EVI5L: variants seen among roughly 807,000 people sequenced by gnomAD.
The protein encoded by EVI5L is ecotropic viral integration site 5 like, also known as EVI5-like protein.
A neutral mutation model predicts 106.1 loss-of-function variants in EVI5L; 30 were observed. The ratio of observed to expected loss-of-function variants is 0.28; its 90% CI spans 0.21 to 0.38. The LOEUF (loss-of-function observed/expected upper bound fraction) is 0.38, where lower values mean the gene tolerates loss of function less well. Among genes scored for constraint, EVI5L ranks in the 10% least tolerant of loss-of-function variants. EVI5L has a pLI of 1.00. For missense variants in EVI5L, 809 were observed against 1,098.0 expected (o/e 0.74, Z 3.72); for synonymous variants, 489 against 483.3 (o/e 1.01, Z -0.15).
chr19:7,835,991 C>T lies in EVI5L; in HGVS notation c.-48+5610C>T, dbSNP rs1003419644. Among the ~76,000 whole-genome samples the T allele has an allele frequency of 6.7e-6, 1 of 150,008 alleles. No individual in the cohort carries two copies. Among genetic ancestry groups the T allele is most frequent in the Non-Finnish European group, 1.5e-5 (1 of 67,520 alleles). ...GTGGCTCACACCTGTGATCTCGGTA[C>T]TTTGGGAGGCCGAGGCGGGAGGATC... On this transcript the variant is annotated intron_variant, in intron 1 of 19. Coordinates refer to ENST00000538904, the MANE Select transcript of EVI5L (RefSeq NM_001159944.3). This position sits in a 1 kb window ranked among gnomAD's most constrained non-coding sequence, Gnocchi z 4.1.
At chr19:7,833,816 G>A (rs1274512075) in intron 1 of EVI5L, among the ~76,000 whole-genome samples, 1 of 152,192 alleles carries the variant, frequency 6.6e-6, no homozygotes, top group Non-Finnish European at 1.5e-5. Context: ...CAGCAAAGCC[G>A]CCCTTCCCAG....
At position 7,862,117 on chromosome 19, in the gene EVI5L, C is replaced by T; in HGVS notation, c.1645-5C>T. On this transcript the variant is annotated splice_polypyrimidine_tract_variant and splice_region_variant and intron_variant, in intron 15 of 19. Transcript: ENST00000538904. The stretch of plus-strand genomic sequence containing the variant: ...GACCGCCGGCTTCTCGGCTTCACCC[C>T]CCAGGCCCATCTGGCCCGCGGCGGC... 1 of 1,564,374 alleles carries T rather than the reference C, an allele frequency of 6.4e-7. No individual in the cohort carries two copies. Among genetic ancestry groups the T allele is most frequent in the Non-Finnish European group, 8.6e-7 (1 of 1,159,290 alleles).
chr19:7,843,325 G>A (rs1978757265), intron 1 of EVI5L, among the ~76,000 whole-genome samples: 1 of 142,818 alleles, frequency 7.0e-6, no homozygotes, highest in South Asian at 2.3e-4. Flanking sequence ...GCATGGGTGT[G>A]TTGAGTGTGC....
chr19:7,855,810 T>G (rs1979490522), intron 10 of EVI5L, among the ~76,000 whole-genome samples: 1 of 152,186 alleles, frequency 6.6e-6, no homozygotes, highest in South Asian at 2.1e-4. Flanking sequence ...TTTTAAAACT[T>G]TATTTTTTTG....
rs759416468 is a variant in EVI5L at position 7,862,983 on chromosome 19, G to A, written c.1959G>A (p.Glu653=). Residue 653 remains glutamate (E), a synonymous_variant, in exon 18 of 20, where the codon GAG becomes GAA. Coordinates refer to ENST00000538904, the MANE Select transcript of EVI5L (RefSeq NM_001159944.3). ...TCCCCCGACCCCAGAGCAAGGAGGA[G>A]GTGATGGCTGTGCGACTGCGGGAGG... is the stretch of plus-strand genomic sequence containing the variant. ...QAEAECKSKE[E]VMAVRLREAD... 2 of 1,571,712 alleles carry A rather than the reference G, an allele frequency of 1.3e-6. No homozygotes were observed. The highest frequency in any genetic ancestry group is 2.8e-5 in the African/African-American group (2 of 72,172).
chr19:7,863,849 C>A lies in EVI5L; in HGVS notation c.*147C>A. On this transcript the variant is annotated 3_prime_UTR_variant, in exon 20 of 20. Transcript: ENST00000538904. The surrounding 1 kb of genome is among the most constrained non-coding windows in gnomAD (Gnocchi z 7.7). ...CCTAAAGCGAGGCCCGGCGAGGCAG[C>A]GCAGAGGGTAGGGTCCGACCTGGGC... 8.5e-7 allele frequency: 1 copy of A among 1,178,086 alleles called. No individual in the cohort carries two copies. 73.0% of individuals were successfully genotyped at this position (1,178,086 alleles called of 1,614,324 possible).
chr19:7,863,307 C>A lies in EVI5L; in HGVS notation c.2139+27C>A. 1 of 1,550,228 alleles carries A rather than the reference C, an allele frequency of 6.5e-7. No homozygotes were observed. The highest frequency in any genetic ancestry group is 1.2e-5 in the South Asian group (1 of 84,068). On this transcript the variant is annotated intron_variant, in intron 19 of 19. Transcript: ENST00000538904. This position sits in a 1 kb window ranked among gnomAD's most constrained non-coding sequence, Gnocchi z 7.7. ...TGAGCCGGCGCGGGGATGCCGGGGACAGGCCTGGGTGTCGTCGGCCTGGGA... is the reference window on the plus strand; with the variant it reads ...TGAGCCGGCGCGGGGATGCCGGGGAAAGGCCTGGGTGTCGTCGGCCTGGGA...
rs1345307591 is a variant in EVI5L at position 7,859,142 on chromosome 19, G to A, written c.1374+811G>A. 4 of 146,792 alleles carry A rather than the reference G, an allele frequency of 2.7e-5. 1 individual carries two copies. The Admixed American group carries it at 2.8e-4, about 10-fold the overall frequency. The allele number at this position is 146,792 out of a possible 1,614,324, so 9.1% of individuals were successfully genotyped here. A position where few individuals can be genotyped will look rare whatever the true frequency, so the allele number is the denominator to read the frequency against. The stretch of plus-strand genomic sequence containing the variant: ...GGAGGTGGAGGTTGCAGTGAGCCAA[G>A]ATGGCACCACCGCACTCCAGCCTGG... On this transcript the variant is annotated intron_variant, in intron 13 of 19. Coordinates refer to ENST00000538904, the MANE Select transcript of EVI5L (RefSeq NM_001159944.3).
rs1979086099 is a variant in EVI5L at position 7,848,782 on chromosome 19, TA to T, written c.328-132del. 4.0e-5 allele frequency: 30 copies of T among 746,022 alleles called. No individual in the cohort carries two copies. The highest frequency in any genetic ancestry group is 5.3e-5 in the Non-Finnish European group (25 of 469,686). The allele number at this position is 746,022 out of a possible 1,614,324, so 46.2% of individuals were successfully genotyped here. ...AGACCCTGTCTCTGAAAAAAGGGGG[TA>T]AAAAAAGGATTGGGGACCATGAGTT... On this transcript the variant is annotated intron_variant, in intron 3 of 19. Transcript: ENST00000538904. The surrounding 1 kb of genome is among the most constrained non-coding windows in gnomAD (Gnocchi z 4.8).
chr19:7,847,527 A>C (rs1979009877), intron 2 of EVI5L, among the ~76,000 whole-genome samples: 1 of 152,102 alleles, frequency 6.6e-6, no homozygotes, highest in Non-Finnish European at 1.5e-5. Context: ...CAGAGGTTGC[A>C]GTGAGCTGAG....
In EVI5L at chr19:7,848,907, G is replaced by A. The variant is rs148236703; in HGVS notation, c.328-14G>A. ...GGACCGAGTCCAGCCCCCGCTTCCCGCTCCCGTGGCCAGGAGCTGATCCGC... is the reference window on the plus strand; with the variant it reads ...GGACCGAGTCCAGCCCCCGCTTCCCACTCCCGTGGCCAGGAGCTGATCCGC... On this transcript the variant is annotated splice_polypyrimidine_tract_variant and intron_variant, in intron 3 of 19. Transcript: ENST00000538904. The surrounding 1 kb of genome is among the most constrained non-coding windows in gnomAD (Gnocchi z 4.8). 2,992 of 1,601,262 alleles carry A rather than the reference G, an allele frequency of 1.9e-3. 43 individuals are homozygous for A. The African/African-American group carries it at 0.032, about 17-fold the overall frequency.
At position 7,847,724 on chromosome 19, in the gene EVI5L, C is replaced by T. The variant is rs1450259430; in HGVS notation, c.138-8C>T. On this transcript the variant is annotated splice_polypyrimidine_tract_variant and splice_region_variant and intron_variant, in intron 2 of 19. Coordinates refer to ENST00000538904, the MANE Select transcript of EVI5L (RefSeq NM_001159944.3). ...ACTGGTTCCCCTCTGTCGGCCCTTC[C>T]TGCCCAGGCTCCTGGAGGCCGACTC... 1 of 1,609,066 alleles carries T rather than the reference C, an allele frequency of 6.2e-7. No homozygotes were observed. The highest frequency in any genetic ancestry group is 2.2e-5 in the East Asian group (1 of 44,776).
chr19:7,849,598 G>A (rs1422817465), intron 5 of EVI5L, among the ~76,000 whole-genome samples: 1 of 152,200 alleles, frequency 6.6e-6, no homozygotes, highest in African/African-American at 2.4e-5. Flanking sequence ...ACATCTCAGG[G>A]TTGGACAGGA....
At position 7,851,716 on chromosome 19, in the gene EVI5L, G is replaced by C; in HGVS notation, c.933G>C (p.Leu311=). 6.4e-7 allele frequency: 1 copy of C among 1,555,662 alleles called. No individual in the cohort carries two copies. Among genetic ancestry groups the C allele is most frequent in the Non-Finnish European group, 8.7e-7 (1 of 1,154,596 alleles). The part of the protein sequence containing the change: ...LEIVFRVGLA[L]LQVNQAELMQ... Reference sequence around the variant, plus strand: ...TCGTGTTCCGAGTGGGCCTCGCCCTGCTGCAGGTGAACCAGGCAGAGCTGA... The same window carrying C: ...TCGTGTTCCGAGTGGGCCTCGCCCTCCTGCAGGTGAACCAGGCAGAGCTGA... The change falls in exon 8 of 20, where the codon CTG becomes CTC. Residue 311 remains leucine, a synonymous_variant. Coordinates refer to ENST00000538904, the MANE Select transcript of EVI5L (RefSeq NM_001159944.3).
chr19:7,863,987 C>T lies in EVI5L; in HGVS notation c.*285C>T, dbSNP rs1822710890. On this transcript the variant is annotated 3_prime_UTR_variant, in exon 20 of 20. Coordinates refer to ENST00000538904, the MANE Select transcript of EVI5L (RefSeq NM_001159944.3). This position sits in a 1 kb window ranked among gnomAD's most constrained non-coding sequence, Gnocchi z 7.7. ...GGTGCCTGGAGGGGCTGACTGCTCT[C>T]TTAACAGGAGGGCAGAGGGCAGGGG... is the stretch of plus-strand genomic sequence containing the variant. 2.4e-6 allele frequency: 1 copy of T among 419,848 alleles called. No individual in the cohort carries two copies. Among genetic ancestry groups the T allele is most frequent in the South Asian group, 5.2e-5 (1 of 19,322 alleles). 26.0% of individuals were successfully genotyped at this position (419,848 alleles called of 1,614,324 possible).
intron 1 of EVI5L, among the ~76,000 whole-genome samples, chr19:7,841,286 G>A (rs1978589533): frequency 6.6e-6 from 1 of 152,108 alleles, no homozygotes; most frequent in Admixed American, 6.6e-5. Context: ...CCAAGAATGA[G>A]ATCCCCAAGG....
intron 1 of EVI5L, among the ~76,000 whole-genome samples, chr19:7,843,567 T>A (rs1320008023): frequency 1.3e-5 from 1 of 78,106 alleles, no homozygotes; most frequent in East Asian, 3.0e-4. Flanking sequence ...TATAGGTATG[T>A]GAGTGTGAGA....
At chr19:7,842,676 ATG>A (rs1049879203) in intron 1 of EVI5L, among the ~76,000 whole-genome samples, 11 of 151,130 alleles carry the variant, frequency 7.3e-5, no homozygotes, top group African/African-American at 1.7e-4. Flanking sequence ...GTGTGCATGG[ATG>A]TGTGTGCAAA....
In EVI5L at chr19:7,850,593, G is replaced by A. The variant is rs961591201; in HGVS notation, c.753+471G>A. 3.9e-5 allele frequency among the ~76,000 whole-genome samples: 6 copies of A among 152,098 alleles called. No homozygotes were observed. Among genetic ancestry groups the A allele is most frequent in the Admixed American group, 3.9e-4 (6 of 15,272 alleles). ...GCCGTTTGCGAACATACACACACCC[G>A]CATGCATACACACACACGCAGACAC... On this transcript the variant is annotated intron_variant, in intron 6 of 19. Transcript: ENST00000538904. The surrounding 1 kb of genome is among the most constrained non-coding windows in gnomAD (Gnocchi z 5.4).
Sources: allele counts gnomAD v4.1 joint callset (sites outside exome capture counted in the v4.1 genomes callset), GRCh38; gene constraint gnomAD v4.1.1; non-coding constraint Gnocchi (gnomAD v3.1); transcripts MANE v1.5; gene names NCBI Gene and HGNC (gene_info 2026-07-23, HGNC 2026-07-21).